The following BCO1 variants were observed in gnomAD, a reference collection of about 807,000 sequenced individuals.
The protein encoded by BCO1 is beta,beta-carotene 15,15'-dioxygenase.
A neutral mutation model predicts 56.3 loss-of-function variants in BCO1; 54 were observed. The ratio of observed to expected loss-of-function variants is 0.96; its 90% CI spans 0.77 to 1.20. The LOEUF (loss-of-function observed/expected upper bound fraction) is 1.20. BCO1 is among the 50% of genes most tolerant of loss of function. The pLI is 0.00. For synonymous variants in BCO1, 318 were observed against 266.1 expected, an observed-to-expected ratio of 1.20 and a Z score of -1.90; for missense variants, 801 against 690.9, an observed-to-expected ratio of 1.16 and a Z score of -1.79.
At position 81,270,458 on chromosome 16, in the gene BCO1, A is replaced by T. The variant is rs373819469; in HGVS notation, c.1101+42A>T. On this transcript the variant is annotated intron_variant, in intron 7 of 10. Coordinates refer to ENST00000258168, the MANE Select transcript of BCO1 (RefSeq NM_017429.3). Reference sequence around the variant, plus strand: ...AGGTCCCTTTTCTTTCTAGAGAGATATCGGCCCAGGTGGGAAGTTACTTTG... The same window carrying T: ...AGGTCCCTTTTCTTTCTAGAGAGATTTCGGCCCAGGTGGGAAGTTACTTTG... The T allele has an allele frequency of 4.0e-5, 65 of 1,612,694 alleles. No homozygotes were observed. In the African/African-American group the frequency reaches 7.5e-4, roughly 19 times the overall value.
intron 2 of BCO1, among the ~76,000 whole-genome samples, chr16:81,257,961 G>C (rs1048264744): frequency 4.6e-5 from 7 of 151,970 alleles, no homozygotes; most frequent in Non-Finnish European, 1.0e-4. Context: ...TCTGACATTA[G>C]GGATGGGCCC....
intron 2 of BCO1, among the ~76,000 whole-genome samples, chr16:81,250,989 C>G (rs1301700116): frequency 6.6e-6 from 1 of 152,184 alleles, no homozygotes; most frequent in Non-Finnish European, 1.5e-5. Flanking sequence ...CCCGAGCCCT[C>G]TGAGGTTTGA....
chr16:81,287,277 T>A lies in BCO1; in HGVS notation c.1303-18T>A. ...CTCAAACAAGTCATTTATGTGTTTT[T>A]CCTCGTTGGATGTACAGATAATAAA... On this transcript the variant is annotated intron_variant, in intron 9 of 10. Coordinates refer to ENST00000258168, the MANE Select transcript of BCO1 (RefSeq NM_017429.3). 1 of 1,557,120 alleles carries A rather than the reference T, an allele frequency of 6.4e-7. No homozygotes were observed. The highest frequency in any genetic ancestry group is 8.9e-7 in the Non-Finnish European group (1 of 1,128,248).
chr16:81,261,662 T>G (rs868442029), intron 3 of BCO1, among the ~76,000 whole-genome samples: 19 of 152,292 alleles, frequency 1.2e-4, no homozygotes, highest in Admixed American at 2.0e-4. Flanking sequence ...TGGAGGTGTC[T>G]TTGGGGTGTC....
At chr16:81,270,508 T>G in intron 7 of BCO1, 92 bp downstream of exon 7, 1 of 1,535,648 alleles carries the variant, frequency 6.5e-7, no homozygotes, top group Non-Finnish European at 8.9e-7. Context: ...GACATTGAAA[T>G]CCAAATGAAC....
intron 1 of BCO1, among the ~76,000 whole-genome samples, chr16:81,244,798 C>T (rs1465322469): frequency 4.0e-5 from 6 of 149,602 alleles, no homozygotes; most frequent in African/African-American, 1.5e-4. Context: ...GTGATCACTG[C>T]AGCCTGGAGC....
At chr16:81,251,764 C>T (rs559025976) in intron 2 of BCO1, among the ~76,000 whole-genome samples, 5 of 150,970 alleles carry the variant, frequency 3.3e-5, no homozygotes, top group Admixed American at 6.6e-5. Flanking sequence ...GTTAATTTTC[C>T]GATAAAATTA....
At chr16:81,248,007 C>T (rs114487138) in intron 2 of BCO1, among the ~76,000 whole-genome samples, 261 of 152,232 alleles carry the variant, frequency 1.7e-3, no homozygotes, top group African/African-American at 6.1e-3. Flanking sequence ...ATATCAATAG[C>T]GTATCTCATG....
chr16:81,260,938 G>T (rs1906446539), intron 3 of BCO1, among the ~76,000 whole-genome samples: 1 of 152,226 alleles, frequency 6.6e-6, no homozygotes, highest in Non-Finnish European at 1.5e-5. Flanking sequence ...AGATGTAGAA[G>T]AGTTATGAAA....
intron 5 of BCO1, among the ~76,000 whole-genome samples, chr16:81,265,593 C>CCAT (rs1270180742): frequency 4.7e-5 from 7 of 149,276 alleles, no homozygotes; most frequent in African/African-American, 1.7e-4. Flanking sequence ...ACCCATCCAT[C>CCAT]CATCATTCAT....
At chr16:81,254,600 T>C (rs1906014591) in intron 2 of BCO1, among the ~76,000 whole-genome samples, 1 of 152,092 alleles carries the variant, frequency 6.6e-6, no homozygotes, top group South Asian at 2.1e-4. Context: ...TTATTGTCAT[T>C]ATGTCCATCC....
At chr16:81,280,718 G>A (rs970393101) in intron 7 of BCO1, 139 bp from the exon 8 acceptor site, 27 of 691,494 alleles carry the variant, frequency 3.9e-5, no homozygotes, top group African/African-American at 2.1e-4. Context: ...AACAGGAAAC[G>A]AGCTGCTTCC....
chr16:81,276,930 G>C (rs1907589923), intron 7 of BCO1, among the ~76,000 whole-genome samples: 1 of 151,828 alleles, frequency 6.6e-6, no homozygotes, highest in African/African-American at 2.4e-5. Context: ...AGCCAGGCAT[G>C]GTGGCTCATG....
chr16:81,246,219 C>G (rs967534747), intron 2 of BCO1, among the ~76,000 whole-genome samples: 1 of 152,106 alleles, frequency 6.6e-6, no homozygotes, highest in Non-Finnish European at 1.5e-5. Context: ...CTCTGACTGA[C>G]TTTCCTGCCT....
At chr16:81,260,689 A>G (rs1906430573) in intron 3 of BCO1, among the ~76,000 whole-genome samples, 1 of 152,082 alleles carries the variant, frequency 6.6e-6, no homozygotes, top group Non-Finnish European at 1.5e-5. Flanking sequence ...TTATATTTTC[A>G]GTAGAGACGG....
intron 7 of BCO1, among the ~76,000 whole-genome samples, chr16:81,279,447 G>A (rs1204143155): frequency 6.6e-6 from 1 of 152,118 alleles, no homozygotes; most frequent in South Asian, 2.1e-4. Context: ...ATAAGTGATA[G>A]TAGTAGTAGT....
At chr16:81,239,459 A>G (rs1905017599) in intron 1 of BCO1, among the ~76,000 whole-genome samples, 1 of 152,128 alleles carries the variant, frequency 6.6e-6, no homozygotes, top group Admixed American at 6.6e-5. Flanking sequence ...TACACATTAT[A>G]ACTCCGTTTG....
intron 7 of BCO1, among the ~76,000 whole-genome samples, chr16:81,277,148 C>A (rs1398442141): frequency 6.6e-6 from 1 of 151,732 alleles, no homozygotes; most frequent in Non-Finnish European, 1.5e-5. Context: ...TTTGGGACAG[C>A]CTGTTCCACG....
chr16:81,285,777 A>G (rs750544746), intron 9 of BCO1, 143 bp downstream of exon 9: 299 of 721,298 alleles, frequency 4.1e-4, no homozygotes, highest in Non-Finnish European at 6.7e-4. Flanking sequence ...TGAAGTAAGG[A>G]TGTTCAGCTG....
Sources: allele counts gnomAD v4.1 joint callset (sites outside exome capture counted in the v4.1 genomes callset), GRCh38; gene constraint gnomAD v4.1.1; transcripts MANE v1.5; gene names NCBI Gene and HGNC (gene_info 2026-07-23, HGNC 2026-07-21).